Variants in PCDHGA2 observed in about 807,000 individuals in gnomAD.
PCDHGA2 encodes the protein protocadherin gamma-A2.
Under a neutral mutation model 59.2 loss-of-function variants are expected in PCDHGA2, and 40 were observed. The ratio of observed to expected loss-of-function variants is 0.68; its 90% CI spans 0.52 to 0.88. The LOEUF is 0.88. PCDHGA2 is among the 40% of genes least tolerant of loss of function. PCDHGA2 has a pLI of 0.00. For synonymous variants in PCDHGA2, 560 were observed against 526.0 expected, an observed-to-expected ratio of 1.06 and a Z score of -0.89; for missense variants, 1,226 against 1,204.0, an observed-to-expected ratio of 1.02 and a Z score of -0.27.
intron 1 of PCDHGA2, chr5:141,357,751 C>A: frequency 8.8e-7 from 1 of 1,131,678 alleles, no homozygotes; most frequent in Non-Finnish European, 1.2e-6. Context: ...TTAAAGAAAA[C>A]TGGTGGATGA....
chr5:141,338,772 C>A lies in PCDHGA2; in HGVS notation c.-200C>A. On this transcript the variant is annotated 5_prime_UTR_variant, in exon 1 of 4. Coordinates refer to ENST00000394576, the MANE Select transcript of PCDHGA2 (RefSeq NM_018915.4). ...CAGCGAGACATCCAATCCAGCAATA[C>A]GGCTCCCACAGCACAAGGGGGTGGA... The A allele has an allele frequency of 1.6e-6, 2 of 1,275,966 alleles. No homozygotes were observed. The highest frequency in any genetic ancestry group is 2.0e-6 in the Non-Finnish European group (2 of 1,011,636). 79.0% of individuals were successfully genotyped at this position (1,275,966 alleles called of 1,614,324 possible).
At position 141,422,030 on chromosome 5, in the gene PCDHGA2, C is replaced by T. The variant is rs1404612424; in HGVS notation, c.2425-72777C>T. ...ACTCGGGTGCTGATGGTTAATGCAA[C>T]GGATCCAGACGAGGGAATCAACGGG... On this transcript the variant is annotated intron_variant, in intron 1 of 3. Coordinates refer to ENST00000394576, the MANE Select transcript of PCDHGA2 (RefSeq NM_018915.4). 3 of 1,609,592 alleles carry T rather than the reference C, an allele frequency of 1.9e-6. No homozygotes were observed. The South Asian group carries it at 3.3e-5, about 18-fold the overall frequency.
chr5:141,360,645 C>T, intron 1 of PCDHGA2: 3 of 1,613,980 alleles, frequency 1.9e-6, no homozygotes, highest in Non-Finnish European at 2.5e-6. Flanking sequence ...TACAAAGATA[C>T]CACCTTAATG....
intron 1 of PCDHGA2, among the ~76,000 whole-genome samples, chr5:141,380,845 A>G (rs1215311097): frequency 6.6e-6 from 1 of 152,272 alleles, no homozygotes; most frequent in Admixed American, 6.5e-5. Context: ...GTAAAAATGG[A>G]TCAAGACATT....
Position 141,421,056 on chromosome 5 carries a change from A to G in PCDHGA2, c.2425-73751A>G, listed in dbSNP as rs1378326708. On this transcript the variant is annotated intron_variant, in intron 1 of 3. Coordinates refer to ENST00000394576, the MANE Select transcript of PCDHGA2 (RefSeq NM_018915.4). ...TCCCTCCCTCCCCCGCCTCTACCACACAAAGCGGAATGAGATGGATACTCA... is the reference window on the plus strand; with the variant it reads ...TCCCTCCCTCCCCCGCCTCTACCACGCAAAGCGGAATGAGATGGATACTCA... 5 of 576,490 alleles carry G rather than the reference A, an allele frequency of 8.7e-6. No individual in the cohort carries two copies. In the East Asian group the frequency reaches 9.2e-5, roughly 11 times the overall value. The allele number at this position is 576,490 out of a possible 1,614,324, so 35.7% of individuals were successfully genotyped here. A position where few individuals can be genotyped will look rare whatever the true frequency, so the allele number is the denominator to read the frequency against.
intron 1 of PCDHGA2, chr5:141,421,633 G>C (rs1369645749): frequency 1.9e-6 from 3 of 1,613,716 alleles, no homozygotes; most frequent in Non-Finnish European, 2.5e-6. Context: ...CAGCTTCCAG[G>C]AGGACGAAGT....
intron 2 of PCDHGA2, among the ~76,000 whole-genome samples, chr5:141,499,083 C>G (rs2099789346): frequency 6.6e-6 from 1 of 152,082 alleles, no homozygotes; most frequent in African/African-American, 2.4e-5. Flanking sequence ...GAAGTTCCTG[C>G]TTGGCACATG....
Position 141,364,472 on chromosome 5 carries a change from A to G in PCDHGA2, c.2424+23077A>G, listed in dbSNP as rs375080558. On this transcript the variant is annotated intron_variant, in intron 1 of 3. Coordinates refer to ENST00000394576, the MANE Select transcript of PCDHGA2 (RefSeq NM_018915.4). ...GGACAAAGGCTCCTTCGTCGGCAAC[A>G]TAGCCAAGGACCTTGGGCTGGAGCC... is the stretch of plus-strand genomic sequence containing the variant. The G allele has an allele frequency of 5.6e-6, 9 of 1,614,038 alleles. No individual in the cohort carries two copies. Among genetic ancestry groups the G allele is most frequent in the South Asian group, 2.2e-5 (2 of 91,086 alleles).
intron 1 of PCDHGA2, chr5:141,417,121 G>C (rs2096086482): frequency 6.6e-6 from 1 of 152,110 alleles, no homozygotes; most frequent in Non-Finnish European, 1.5e-5. Context: ...GGACACCCTG[G>C]ATGATGGTAA....
At chr5:141,498,669 C>T (rs774292307) in intron 2 of PCDHGA2, among the ~76,000 whole-genome samples, 29 of 152,156 alleles carry the variant, frequency 1.9e-4, no homozygotes, top group African/African-American at 6.0e-4. Flanking sequence ...TGGTGGCTCA[C>T]GCCTGTAATC....
At chr5:141,464,343 A>T (rs944042669) in intron 1 of PCDHGA2, among the ~76,000 whole-genome samples, 1 of 151,308 alleles carries the variant, frequency 6.6e-6, no homozygotes, top group South Asian at 2.1e-4. Flanking sequence ...ATGACTTGTC[A>T]TTTAGGTAGT....
Position 141,357,232 on chromosome 5 carries a change from C to T in PCDHGA2, c.2424+15837C>T, listed in dbSNP as rs753504558. On this transcript the variant is annotated intron_variant, in intron 1 of 3. Coordinates refer to ENST00000394576, the MANE Select transcript of PCDHGA2 (RefSeq NM_018915.4). ...AGATGTCCTGGCTGACTTGGGCAGCCTCAAGCCTTCAGCAGACCCAGACGA... is the reference window on the plus strand; with the variant it reads ...AGATGTCCTGGCTGACTTGGGCAGCTTCAAGCCTTCAGCAGACCCAGACGA... 5 of 1,613,846 alleles carry T rather than the reference C, an allele frequency of 3.1e-6. No homozygotes were observed. The Admixed American group carries it at 8.3e-5, about 27-fold the overall frequency.
chr5:141,399,059 A>T (rs769553635), intron 1 of PCDHGA2: 8 of 1,613,882 alleles, frequency 5.0e-6, no homozygotes, highest in Non-Finnish European at 6.8e-6. Context: ...ACCAAGGAAT[A>T]TTCAATGGTT....
chr5:141,442,796 T>G (rs909745554), intron 1 of PCDHGA2, among the ~76,000 whole-genome samples: 16 of 152,326 alleles, frequency 1.1e-4, no homozygotes, highest in African/African-American at 3.8e-4. Context: ...AATTTTACTT[T>G]GATATTCAAA....
intron 1 of PCDHGA2, chr5:141,418,007 C>T: frequency 6.2e-7 from 1 of 1,613,904 alleles, no homozygotes; most frequent in Non-Finnish European, 8.5e-7. Flanking sequence ...GGTGGGGAAC[C>T]TCGCTAAGGA....
chr5:141,453,022 T>C (rs1222692572), intron 1 of PCDHGA2, among the ~76,000 whole-genome samples: 1 of 152,230 alleles, frequency 6.6e-6, no homozygotes, highest in Non-Finnish European at 1.5e-5. Flanking sequence ...ATGTGATTCA[T>C]TAAAATAAAG....
At chr5:141,422,458 C>T (rs375149811) in intron 1 of PCDHGA2, 264 of 1,613,148 alleles carry the variant, frequency 1.6e-4, no homozygotes, top group Non-Finnish European at 2.1e-4. Context: ...AAGCAGAGTG[C>T]TGGACAGGGA....
At position 141,409,826 on chromosome 5, in the gene PCDHGA2, C is replaced by T. The variant is rs565116840; in HGVS notation, c.2424+68431C>T. 14 of 1,611,108 alleles carry T rather than the reference C, an allele frequency of 8.7e-6. No homozygotes were observed. The highest frequency in any genetic ancestry group is 1.3e-5 in the African/African-American group (1 of 75,000). On this transcript the variant is annotated intron_variant, in intron 1 of 3. Coordinates refer to ENST00000394576, the MANE Select transcript of PCDHGA2 (RefSeq NM_018915.4). ...GGCCCGCGACCACGGCTCGCCCACG[C>T]TCAGCGCCAACGTGAGCCTGCGCGT...
intron 1 of PCDHGA2, among the ~76,000 whole-genome samples, chr5:141,369,456 C>T (rs920730246): frequency 5.3e-5 from 8 of 152,070 alleles, no homozygotes; most frequent in Non-Finnish European, 8.8e-5. Flanking sequence ...TGCTTAAAGC[C>T]AGGTGTTCTA....
Sources: gnomAD v4.1 joint callset for allele counts (sites outside exome capture counted in the v4.1 genomes callset) on GRCh38, gnomAD v4.1.1 for gene constraint, MANE v1.5 for transcripts, NCBI Gene and HGNC (gene_info 2026-07-23, HGNC 2026-07-21) for gene names.